DOCK2: variants seen among roughly 807,000 people sequenced by gnomAD.
DOCK2 encodes the protein dedicator of cytokinesis protein 2.
Under a neutral mutation model 248.9 loss-of-function variants are expected in DOCK2, and 87 were observed. That is an observed-to-expected ratio of 0.35 (90% CI 0.29 to 0.42). The LOEUF is 0.42. Ranked by LOEUF, DOCK2 falls within the 10% of genes least tolerant of loss-of-function variation. The probability of loss-of-function intolerance (pLI) is 1.00; values close to 1 mark genes in which losing one functional copy is unlikely to be tolerated. For missense variants in DOCK2, 1,747 were observed against 2,300.2 expected (o/e 0.76, Z 4.92); for synonymous variants, 805 against 821.6 (o/e 0.98, Z 0.35).
At chr5:169,989,236 G>C (rs1022501877) in intron 29 of DOCK2, among the ~76,000 whole-genome samples, 5 of 152,176 alleles carry the variant, frequency 3.3e-5, no homozygotes, top group African/African-American at 1.2e-4. Context: ...CTTCCTGTTA[G>C]AGTGTTTTTC....
intron 25 of DOCK2, among the ~76,000 whole-genome samples, chr5:169,777,617 T>C (rs1309573424): frequency 6.6e-6 from 1 of 152,196 alleles, no homozygotes; most frequent in East Asian, 1.9e-4. Context: ...AGGGGCTGGA[T>C]CAATTCCTGA....
At chr5:170,010,370 A>G (rs1267205058) in intron 32 of DOCK2, among the ~76,000 whole-genome samples, 1 of 152,180 alleles carries the variant, frequency 6.6e-6, no homozygotes, top group African/African-American at 2.4e-5. Context: ...TTGACGTTTC[A>G]TTTACCATTG....
At position 169,637,384 on chromosome 5, in the gene DOCK2, C is replaced by T; in HGVS notation, c.43+15C>T. The T allele has an allele frequency of 7.2e-7, 1 of 1,380,032 alleles. No homozygotes were observed. The highest frequency in any genetic ancestry group is 1.5e-5 in the African/African-American group (1 of 66,428). 85.5% of individuals were successfully genotyped at this position (1,380,032 alleles called of 1,614,324 possible). ...GCACGGCGTGGGTAGGTGCGGGCCCCAGGGCGCGGCAGGGAGCGGGACAGG... is the reference window on the plus strand; with the variant it reads ...GCACGGCGTGGGTAGGTGCGGGCCCTAGGGCGCGGCAGGGAGCGGGACAGG... On this transcript the variant is annotated intron_variant, in intron 1 of 51. Transcript: ENST00000520908.
At chr5:169,662,574 G>T (rs1758504521) in intron 2 of DOCK2, among the ~76,000 whole-genome samples, 1 of 152,194 alleles carries the variant, frequency 6.6e-6, no homozygotes. Context: ...AGTTCTGCAT[G>T]GCTGGAGAGG....
chr5:169,850,569 C>T (rs1186449984), intron 27 of DOCK2, among the ~76,000 whole-genome samples: 1 of 152,018 alleles, frequency 6.6e-6, no homozygotes, highest in Non-Finnish European at 1.5e-5. Flanking sequence ...AGACAAGAGA[C>T]TTGAAATGAC....
intron 14 of DOCK2, among the ~76,000 whole-genome samples, chr5:169,706,371 A>T (rs1357370414): frequency 6.6e-6 from 1 of 152,246 alleles, no homozygotes. Context: ...TTATAGAAGG[A>T]ACACTGGATG....
chr5:169,691,318 G>T (rs1760284460), intron 9 of DOCK2, among the ~76,000 whole-genome samples: 1 of 152,130 alleles, frequency 6.6e-6, no homozygotes, highest in Non-Finnish European at 1.5e-5. Flanking sequence ...CTCCAGCCTG[G>T]GGATTACATT....
At chr5:169,996,272 G>T in intron 30 of DOCK2, 108 bp downstream of exon 30, 1 of 1,157,276 alleles carries the variant, frequency 8.6e-7, no homozygotes, top group Non-Finnish European at 1.2e-6. Context: ...AGCTGTCCCA[G>T]TCTCTCCAGG....
chr5:169,802,507 T>C (rs1767065357), intron 25 of DOCK2, among the ~76,000 whole-genome samples: 2 of 152,214 alleles, frequency 1.3e-5, no homozygotes, highest in South Asian at 4.1e-4. Flanking sequence ...AGGAGTACTA[T>C]AAAACAGTTA....
chr5:170,080,379 A>C (rs1168300478), intron 50 of DOCK2, 96 bp downstream of exon 50: 1 of 1,553,718 alleles, frequency 6.4e-7, no homozygotes, highest in Non-Finnish European at 8.7e-7. Flanking sequence ...TCTACACAAC[A>C]AAGTGGGCCA....
chr5:169,758,063 AT>A (rs141321312), intron 23 of DOCK2, among the ~76,000 whole-genome samples: 3,874 of 151,996 alleles, frequency 0.025, 168 homozygotes, highest in African/African-American at 0.088. Context: ...TACAAACAGT[AT>A]TTTTTTTACC....
intron 25 of DOCK2, among the ~76,000 whole-genome samples, chr5:169,773,416 T>G (rs1011632431): frequency 2.0e-5 from 3 of 151,930 alleles, no homozygotes; most frequent in Non-Finnish European, 2.9e-5. Context: ...ATCACTTCTT[T>G]AATAGCAATG....
At chr5:169,677,908 G>A (rs1289596630) in intron 6 of DOCK2, among the ~76,000 whole-genome samples, 3 of 152,220 alleles carry the variant, frequency 2.0e-5, no homozygotes, top group Non-Finnish European at 2.9e-5. Flanking sequence ...GCATGCAGGA[G>A]CTGTGTAGGG....
intron 1 of DOCK2, among the ~76,000 whole-genome samples, chr5:169,639,417 A>G (rs1003816550): frequency 3.9e-5 from 6 of 152,186 alleles, no homozygotes; most frequent in African/African-American, 1.4e-4. Context: ...GGTGACAGAA[A>G]ACCTCCAAAA....
intron 27 of DOCK2, among the ~76,000 whole-genome samples, chr5:169,948,466 C>T (rs922475806): frequency 6.6e-5 from 10 of 152,080 alleles, no homozygotes; most frequent in African/African-American, 2.2e-4. Context: ...CCATCCCCTA[C>T]ATCTCTCTCT....
chr5:170,003,106 G>A (rs1306765285), intron 30 of DOCK2, among the ~76,000 whole-genome samples: 1 of 152,192 alleles, frequency 6.6e-6, no homozygotes, highest in Admixed American at 6.5e-5. Flanking sequence ...GAGAAGACAG[G>A]GCTTACAAAT....
At chr5:169,920,675 G>C (rs902962712) in intron 27 of DOCK2, among the ~76,000 whole-genome samples, 2 of 152,226 alleles carry the variant, frequency 1.3e-5, no homozygotes, top group Non-Finnish European at 2.9e-5. Context: ...GTGATGGACA[G>C]TGTAGCCATA....
At chr5:169,854,141 A>G (rs1260986085) in intron 27 of DOCK2, among the ~76,000 whole-genome samples, 1 of 149,346 alleles carries the variant, frequency 6.7e-6, no homozygotes, top group African/African-American at 2.5e-5. Context: ...CTTTGACACT[A>G]TTTCTTTAAA....
At chr5:169,925,546 C>T (rs1034515539) in intron 27 of DOCK2, among the ~76,000 whole-genome samples, 14 of 136,586 alleles carry the variant, frequency 1.0e-4, no homozygotes, top group African/African-American at 3.9e-4. Context: ...GGCCACTGAA[C>T]TCCAGCCTGG....
Sources: allele counts gnomAD v4.1 joint callset (sites outside exome capture counted in the v4.1 genomes callset), GRCh38; gene constraint gnomAD v4.1.1; transcripts MANE v1.5; gene names NCBI Gene and HGNC (gene_info 2026-07-23, HGNC 2026-07-21).